NR4A1: variants seen among roughly 807,000 people sequenced by gnomAD.
NR4A1 encodes the protein nuclear receptor subfamily 4immunitygroup A member 1.
In NR4A1, 24 loss-of-function variants were observed where a neutral mutation model predicts 47.5. That is an observed-to-expected ratio of 0.50 (90% CI 0.37 to 0.71). The LOEUF (loss-of-function observed/expected upper bound fraction) is 0.71. NR4A1 is among the 30% of genes least tolerant of loss of function. The pLI, the probability that NR4A1 is intolerant of heterozygous loss-of-function variation, is 0.00. For synonymous variants in NR4A1, 353 were observed against 345.7 expected, an observed-to-expected ratio of 1.02 and a Z score of -0.24; for missense variants, 669 against 788.6, an observed-to-expected ratio of 0.85 and a Z score of 1.82.
rs998547272 is a variant in NR4A1, at chr12:52,059,196, C to A, written c.*252C>A. 3 of 535,628 alleles carry A rather than the reference C, an allele frequency of 5.6e-6. No homozygotes were observed. The highest frequency in any genetic ancestry group is 9.8e-6 in the Non-Finnish European group (3 of 304,928). The allele number at this position is 535,628 out of a possible 1,614,324, so 33.2% of individuals were successfully genotyped here. On this transcript the variant is annotated 3_prime_UTR_variant, in exon 7 of 7. Coordinates refer to ENST00000394825, the MANE Select transcript of NR4A1 (RefSeq NM_173157.3). ...CCTTTATGTTTTTTGTAAGATAAAC[C>A]GTTTTTAACACATAGCGCCGTGCTG...
intron 2 of NR4A1, 193 bp from the exon 3 acceptor site, chr12:52,055,837 T>G: frequency 2.2e-6 from 1 of 460,990 alleles, no homozygotes; most frequent in Non-Finnish European, 3.8e-6. Context: ...TCCCCCAATG[T>G]CTTCAAGACT....
chr12:52,058,994 A>T lies in NR4A1; in HGVS notation c.*50A>T. ...CATGCGCACTCTCATATGCCACCCC[A>T]TGTGCCTTTAGTCCACGGACCCCCA... On this transcript the variant is annotated 3_prime_UTR_variant, in exon 7 of 7. Transcript: ENST00000394825. The T allele has an allele frequency of 6.4e-7, 1 of 1,563,634 alleles. No individual in the cohort carries two copies. Among genetic ancestry groups the T allele is most frequent in the Admixed American group, 1.7e-5 (1 of 57,410 alleles).
At chr12:52,031,256 G>A (rs1286708939) in intron 1 of NR4A1, among the ~76,000 whole-genome samples, 1 of 151,238 alleles carries the variant, frequency 6.6e-6, no homozygotes, top group Non-Finnish European at 1.5e-5. Flanking sequence ...AAACTCCTGA[G>A]CTCAAATGAT....
At chr12:52,026,482 T>C (rs991517772) in intron 1 of NR4A1, among the ~76,000 whole-genome samples, 1 of 152,162 alleles carries the variant, frequency 6.6e-6, no homozygotes. Context: ...AGGAACTCTT[T>C]AAGTGCTTTA....
At position 52,039,638 on chromosome 12, in the gene NR4A1, C is replaced by T. The variant is rs76303738; in HGVS notation, c.-83-2172C>T. 4.9e-3 allele frequency among the ~76,000 whole-genome samples: 741 copies of T among 152,354 alleles called. 5 individuals carry two copies. The highest frequency in any genetic ancestry group is 0.017 in the African/African-American group (692 of 41,578). On this transcript the variant is annotated intron_variant, in intron 1 of 7. Transcript: ENST00000360284. ...TGCATCCACCACCCTTCCACGCACA[C>T]TTACTGAGCACCTGCCAGTGCTGAG...
chr12:52,050,887 C>T (rs1938888865), upstream of NR4A1, among the ~76,000 whole-genome samples: 1 of 152,158 alleles, frequency 6.6e-6, no homozygotes, highest in South Asian at 2.1e-4. Flanking sequence ...GCGGCAGCAG[C>T]GACACCCTAG....
At chr12:52,048,102 C>T (rs147757179), upstream of NR4A1, among the ~76,000 whole-genome samples, 2,720 of 151,036 alleles carry the variant, frequency 0.018, 51 homozygotes, top group South Asian at 0.056. Flanking sequence ...TGCAGTGAGC[C>T]GAGATCGCAC....
intron 2 of NR4A1, chr12:52,042,043 CT>C: frequency 1.7e-6 from 2 of 1,184,936 alleles, no homozygotes; most frequent in Non-Finnish European, 2.1e-6. Flanking sequence ...AGGGGAAGCC[CT>C]GGGGAGGTGG....
intron 1 of NR4A1, among the ~76,000 whole-genome samples, chr12:52,036,485 G>A (rs1434640335): frequency 1.3e-5 from 2 of 152,224 alleles, no homozygotes; most frequent in Admixed American, 6.5e-5. Context: ...TGGATAATCT[G>A]ATCATATCAT....
chr12:52,046,749 C>T (rs556272459), upstream of NR4A1, among the ~76,000 whole-genome samples: 10 of 152,244 alleles, frequency 6.6e-5, no homozygotes, highest in Middle Eastern at 3.4e-3. Flanking sequence ...TTTGGGAGTC[C>T]GAGGCAGGCG....
chr12:52,050,094 T>C (rs1419559514), upstream of NR4A1, among the ~76,000 whole-genome samples: 1 of 152,124 alleles, frequency 6.6e-6, no homozygotes, highest in African/African-American at 2.4e-5. Context: ...TTTCCTTGTT[T>C]TTGTTTTTTT....
chr12:52,041,253 G>A (rs1440443909), intron 1 of NR4A1, among the ~76,000 whole-genome samples: 1 of 152,118 alleles, frequency 6.6e-6, no homozygotes, highest in Non-Finnish European at 1.5e-5. Context: ...TTTTACAGAT[G>A]AGGAGCATGA....
At chr12:52,043,591 T>C in intron 2 of NR4A1, 1 of 803,266 alleles carries the variant, frequency 1.2e-6, no homozygotes, top group Non-Finnish European at 1.7e-6. Flanking sequence ...GCTGACTATT[T>C]TGGGCTCTTG....
chr12:52,044,059 AC>A, intron 2 of NR4A1: 1 of 528,274 alleles, frequency 1.9e-6, no homozygotes, highest in Non-Finnish European at 3.1e-6. Flanking sequence ...GTGCAGCTTG[AC>A]CACAGCTGGA....
At chr12:52,036,939 C>T (rs1234986539) in intron 1 of NR4A1, among the ~76,000 whole-genome samples, 1 of 152,230 alleles carries the variant, frequency 6.6e-6, no homozygotes, top group Non-Finnish European at 1.5e-5. Flanking sequence ...GGCACCCTCA[C>T]CTGAGAACCA....
intron 1 of NR4A1, among the ~76,000 whole-genome samples, chr12:52,026,837 G>A (rs538311381): frequency 6.6e-6 from 1 of 152,238 alleles, no homozygotes; most frequent in African/African-American, 2.4e-5. Context: ...GGGGCTTCAG[G>A]AATGTGCACA....
rs200925710 is a variant in NR4A1 at position 52,055,212 on chromosome 12, G to A, written c.876+8G>A. 4.0e-5 allele frequency: 64 copies of A among 1,610,476 alleles called. 1 individual carries two copies. Among genetic ancestry groups the A allele is most frequent in the Admixed American group, 2.3e-4 (14 of 60,036 alleles). Reference sequence around the variant, plus strand: ...TGCAAGGGCTTCTTCAAGGTACCGCGCAGCCCCAGGTGGGGCCTTTTGTTG... The same window carrying A: ...TGCAAGGGCTTCTTCAAGGTACCGCACAGCCCCAGGTGGGGCCTTTTGTTG... On this transcript the variant is annotated splice_region_variant and intron_variant, in intron 2 of 6. Transcript: ENST00000394825.
chr12:52,059,198 T>C lies in NR4A1; in HGVS notation c.*254T>C, dbSNP rs2120565728. The C allele has an allele frequency of 1.9e-6, 1 of 530,958 alleles. No individual in the cohort carries two copies. Among genetic ancestry groups the C allele is most frequent in the African/African-American group, 1.9e-5 (1 of 52,082 alleles). The allele number at this position is 530,958 out of a possible 1,614,324, so 32.9% of individuals were successfully genotyped here. A position where few individuals can be genotyped will look rare whatever the true frequency, so the allele number is the denominator to read the frequency against. On this transcript the variant is annotated 3_prime_UTR_variant, in exon 7 of 7. Coordinates refer to ENST00000394825, the MANE Select transcript of NR4A1 (RefSeq NM_173157.3). ...TTTATGTTTTTTGTAAGATAAACCGTTTTTAACACATAGCGCCGTGCTGTA... is the reference window on the plus strand; with the variant it reads ...TTTATGTTTTTTGTAAGATAAACCGCTTTTAACACATAGCGCCGTGCTGTA...
upstream of NR4A1, among the ~76,000 whole-genome samples, chr12:52,050,978 C>T (rs1592298638): frequency 6.6e-6 from 1 of 152,080 alleles, no homozygotes; most frequent in African/African-American, 2.4e-5. Flanking sequence ...GGTTGGCTCC[C>T]GGGAGCAACT....
Sources: allele counts gnomAD v4.1 joint callset (sites outside exome capture counted in the v4.1 genomes callset), GRCh38; gene constraint gnomAD v4.1.1; transcripts MANE v1.5; gene names NCBI Gene and HGNC (gene_info 2026-07-23, HGNC 2026-07-21).